MYDGF: variants seen among roughly 807,000 people sequenced by gnomAD.
MYDGF encodes the protein myeloid derived growth factor.
A neutral mutation model predicts 24.2 loss-of-function variants in MYDGF; 29 were observed. That is an observed-to-expected ratio of 1.20 (90% CI 0.89 to 1.63). MYDGF has a LOEUF of 1.63. Among genes scored for constraint, MYDGF ranks in the 40% most tolerant of loss-of-function variants. The pLI, the probability that MYDGF is intolerant of heterozygous loss-of-function variation, is 0.00. For missense variants in MYDGF, 245 were observed against 234.8 expected, an observed-to-expected ratio of 1.04 and a Z score of -0.29; for synonymous variants, 105 against 102.5, an observed-to-expected ratio of 1.02 and a Z score of -0.15.
chr19:4,660,232 C>T (rs939794961), intron 4 of MYDGF, among the ~76,000 whole-genome samples: 8 of 152,120 alleles, frequency 5.3e-5, no homozygotes, highest in Admixed American at 2.6e-4. Context: ...CTCAAGTGAT[C>T]CTCCTGCTGC....
rs2088556583 is a variant in MYDGF, at chr19:4,670,313, A to G, written c.22T>C (p.Trp8Arg). The change falls in exon 1 of 6, where the codon TGG becomes CGG. Residue 8 changes from tryptophan (W) to arginine (R), a missense_variant. Transcript: ENST00000262947. Reference sequence around the variant, plus strand: ...CACAAGCTCGCGCCGACGCCGTTCCACCCTCCGCTGGGCGCCGCCATGTTG... The same window carrying G: ...CACAAGCTCGCGCCGACGCCGTTCCGCCCTCCGCTGGGCGCCGCCATGTTG... MAAPSGGWNGVGASLWAA... is the reference protein window; with the variant it reads MAAPSGGRNGVGASLWAA... The G allele has an allele frequency of 6.8e-7, 1 of 1,473,902 alleles. No homozygotes were observed. Among genetic ancestry groups the G allele is most frequent in the South Asian group, 1.3e-5 (1 of 75,856 alleles). 91.3% of individuals were successfully genotyped at this position (1,473,902 alleles called of 1,614,324 possible). A position where few individuals can be genotyped will look rare whatever the true frequency, so the allele number is the denominator to read the frequency against.
intron 3 of MYDGF, among the ~76,000 whole-genome samples, chr19:4,661,002 C>G (rs1599836321): frequency 7.2e-6 from 1 of 138,466 alleles, no homozygotes; most frequent in East Asian, 2.1e-4. Flanking sequence ...GAGTCTCACT[C>G]TGTTGCCCAG....
chr19:4,666,012 G>A (rs2145188258), intron 2 of MYDGF, among the ~76,000 whole-genome samples: 1 of 151,126 alleles, frequency 6.6e-6, no homozygotes, highest in South Asian at 2.1e-4. Flanking sequence ...AGCTGCAACA[G>A]GTACAAGCAA....
At chr19:4,660,847 C>A in intron 3 of MYDGF, 97 bp from the exon 4 acceptor site, 1 of 957,962 alleles carries the variant, frequency 1.0e-6, no homozygotes, top group Non-Finnish European at 1.5e-6. Flanking sequence ...GGGCTGGGGT[C>A]AGCAGGTCTC....
At position 4,657,961 on chromosome 19, in the gene MYDGF, C is replaced by T; in HGVS notation, c.*44G>A. On this transcript the variant is annotated 3_prime_UTR_variant, in exon 6 of 6. Transcript: ENST00000262947. ...CTTTCAGGGACACAGGCCCCTTCAG[C>T]TTCACCGGAGATGAGAAGGTGCCAC... 1.3e-6 allele frequency: 2 copies of T among 1,551,552 alleles called. No individual in the cohort carries two copies. Among genetic ancestry groups the T allele is most frequent in the Non-Finnish European group, 1.8e-6 (2 of 1,141,986 alleles).
chr19:4,668,669 G>C (rs755138171), intron 1 of MYDGF, 24 bp from the exon 2 acceptor site: 3 of 1,605,026 alleles, frequency 1.9e-6, no homozygotes, highest in Admixed American at 3.3e-5. Flanking sequence ...GGAAAAAAAA[G>C]GTTTGGTAGA....
chr19:4,657,774 A>G lies in MYDGF; in HGVS notation c.*231T>C, dbSNP rs1599834609. ...GATCCTGAGTCCAGAAGAGCTCAGC[A>G]GGAAGTGGGAACTGAGAAGCTGTTG... is the stretch of plus-strand genomic sequence containing the variant. On this transcript the variant is annotated 3_prime_UTR_variant, in exon 6 of 6. Transcript: ENST00000262947. 6 of 414,468 alleles carry G rather than the reference A, an allele frequency of 1.4e-5. No individual in the cohort carries two copies. Among genetic ancestry groups the G allele is most frequent in the Middle Eastern group, 6.3e-4 (1 of 1,590 alleles). 25.7% of individuals were successfully genotyped at this position (414,468 alleles called of 1,614,324 possible). A position where few individuals can be genotyped will look rare whatever the true frequency, so the allele number is the denominator to read the frequency against.
At position 4,657,932 on chromosome 19, in the gene MYDGF, G is replaced by T. The variant is rs1270852823; in HGVS notation, c.*73C>A. 2.8e-5 allele frequency: 38 copies of T among 1,357,734 alleles called. No individual in the cohort carries two copies. Among genetic ancestry groups the T allele is most frequent in the Non-Finnish European group, 3.5e-5 (35 of 986,048 alleles). The allele number at this position is 1,357,734 out of a possible 1,614,324, so 84.1% of individuals were successfully genotyped here. ...CCTCCTAGAAAACCAGTGATGTGCT[G>T]GCCCTTTCAGGGACACAGGCCCCTT... On this transcript the variant is annotated 3_prime_UTR_variant, in exon 6 of 6. Coordinates refer to ENST00000262947, the MANE Select transcript of MYDGF (RefSeq NM_019107.4).
intron 5 of MYDGF, chr19:4,659,547 A>ATTTTTTTAACTACAT: frequency 2.5e-6 from 1 of 397,190 alleles, no homozygotes; most frequent in Non-Finnish European, 4.5e-6. Flanking sequence ...AATTTTGTAG[A>ATTTTTTTAACTACAT]GACAGGGTCT....
At chr19:4,660,284 C>T (rs1408254407) in intron 4 of MYDGF, among the ~76,000 whole-genome samples, 1 of 152,034 alleles carries the variant, frequency 6.6e-6, no homozygotes, top group Non-Finnish European at 1.5e-5. Context: ...TGCCAACACG[C>T]CTGGCTATTT....
At chr19:4,665,652 T>G (rs1019355553) in intron 2 of MYDGF, among the ~76,000 whole-genome samples, 2 of 151,664 alleles carry the variant, frequency 1.3e-5, no homozygotes, top group Non-Finnish European at 2.9e-5. Context: ...AAACCCCATC[T>G]CTACTAAAAA....
intron 3 of MYDGF, among the ~76,000 whole-genome samples, chr19:4,661,077 C>T (rs2088466955): frequency 6.6e-6 from 1 of 151,064 alleles, no homozygotes; most frequent in Non-Finnish European, 1.5e-5. Context: ...AGTGATTCTC[C>T]TGCCTTAGCC....
At chr19:4,669,926 A>G (rs1181012970) in intron 1 of MYDGF, among the ~76,000 whole-genome samples, 1 of 151,658 alleles carries the variant, frequency 6.6e-6, no homozygotes, top group East Asian at 2.0e-4. Flanking sequence ...CGCCCCCTCA[A>G]CGCCGCCGGG....
At chr19:4,668,273 G>A (rs569419651) in intron 2 of MYDGF, among the ~76,000 whole-genome samples, 6 of 152,310 alleles carry the variant, frequency 3.9e-5, no homozygotes, top group African/African-American at 1.2e-4. Context: ...ATAAATGGGT[G>A]CTGTTTTAAG....
In MYDGF at chr19:4,660,757, A is replaced by G. The variant is rs747355151; in HGVS notation, c.288-7T>C. 6.2e-7 allele frequency: 1 copy of G among 1,612,844 alleles called. No individual in the cohort carries two copies. The highest frequency in any genetic ancestry group is 8.5e-7 in the Non-Finnish European group (1 of 1,179,356). On this transcript the variant is annotated splice_region_variant and splice_polypyrimidine_tract_variant and intron_variant, in intron 3 of 5. Transcript: ENST00000262947. ...ATAGGACTTCCCCTGGGGCCTGCAG[A>G]GGAAGAGGGGGCGAGGGAGTCAGGC...
At chr19:4,658,122 G>C in intron 5 of MYDGF, 38 bp from the exon 6 acceptor site, 2 of 1,573,542 alleles carry the variant, frequency 1.3e-6, no homozygotes, top group Non-Finnish European at 8.6e-7. Flanking sequence ...CCTCAACATT[G>C]AAAATTCTCA....
intron 2 of MYDGF, among the ~76,000 whole-genome samples, chr19:4,665,508 G>A (rs2088513409): frequency 6.6e-6 from 1 of 151,774 alleles, no homozygotes; most frequent in African/African-American, 2.4e-5. Context: ...CCAGGCCTAA[G>A]AACAACTCTT....
At chr19:4,664,797 C>G (rs2088507714) in intron 3 of MYDGF, 79 bp downstream of exon 3, 9 of 1,509,316 alleles carry the variant, frequency 6.0e-6, no homozygotes, top group Non-Finnish European at 8.2e-6. Flanking sequence ...GCCCTCGTTC[C>G]CTGCCTTCCA....
intron 2 of MYDGF, 55 bp downstream of exon 2, chr19:4,668,540 C>T (rs771190588): frequency 1.3e-6 from 2 of 1,493,594 alleles, no homozygotes; most frequent in Non-Finnish European, 1.9e-6. Context: ...CAGAACATCT[C>T]CCTACAACAA....
Sources: gnomAD v4.1 joint callset for allele counts (sites outside exome capture counted in the v4.1 genomes callset) on GRCh38, gnomAD v4.1.1 for gene constraint, MANE v1.5 for transcripts, NCBI Gene and HGNC (gene_info 2026-07-23, HGNC 2026-07-21) for gene names.